Variants in RFX3 observed in about 807,000 individuals in gnomAD.
RFX3 encodes the protein transcription factor RFX3.
Under a neutral mutation model 98.6 loss-of-function variants are expected in RFX3, and 14 were observed. That is an observed-to-expected ratio of 0.14 (90% CI 0.09 to 0.22). RFX3 has a LOEUF of 0.22. Ranked by LOEUF, RFX3 falls within the 10% of genes least tolerant of loss-of-function variation. The probability of loss-of-function intolerance (pLI) is 1.00; values close to 1 mark genes in which losing one functional copy is unlikely to be tolerated. For synonymous variants in RFX3, 383 were observed against 328.4 expected, an observed-to-expected ratio of 1.17 and a Z score of -1.80; for missense variants, 639 against 926.9, an observed-to-expected ratio of 0.69 and a Z score of 4.03.
chr9:3,306,295 G>C (rs999532685), intron 4 of RFX3, among the ~76,000 whole-genome samples: 1 of 151,906 alleles, frequency 6.6e-6, no homozygotes, highest in Non-Finnish European at 1.5e-5. Flanking sequence ...GAGTCAGCTA[G>C]AATTTAAAAC....
intron 2 of RFX3, among the ~76,000 whole-genome samples, chr9:3,388,383 T>C (rs1263476731): frequency 2.6e-5 from 4 of 152,148 alleles, no homozygotes; most frequent in Non-Finnish European, 5.9e-5. Context: ...GTTAGATTTG[T>C]TCCCCAAAGA....
At chr9:3,516,106 T>C (rs1818135777) in intron 1 of RFX3, among the ~76,000 whole-genome samples, 1 of 152,176 alleles carries the variant, frequency 6.6e-6, no homozygotes, top group South Asian at 2.1e-4. Flanking sequence ...TGGAGCGCAC[T>C]GGCGTGATCT....
At chr9:3,262,891 G>C (rs1228991495) in intron 13 of RFX3, 44 bp downstream of exon 13, 1 of 1,587,228 alleles carries the variant, frequency 6.3e-7, no homozygotes, top group Non-Finnish European at 8.6e-7. Context: ...GAACAAATTG[G>C]GTATCTTTCC....
At chr9:3,394,853 G>A (rs1208553896) in intron 2 of RFX3, 4 of 985,058 alleles carry the variant, frequency 4.1e-6, no homozygotes, top group Middle Eastern at 5.2e-4. Context: ...TACTTTGTCA[G>A]TATCTTTCCA....
At position 3,280,476 on chromosome 9, in the gene RFX3, C is replaced by A. The variant is rs375458247; in HGVS notation, c.852-3015G>T. ...AATACTGGACTGAGAAAGCCTAGAT[C>A]CTCATTTTCAAGGTACCCTAACTAA... On this transcript the variant is annotated intron_variant, in intron 7 of 16. Transcript: ENST00000617270. Among the ~76,000 whole-genome samples, 88 of 151,796 alleles carry A rather than the reference C, an allele frequency of 5.8e-4. No homozygotes were observed. In the Middle Eastern group the frequency reaches 0.01, roughly 18 times the overall value.
At chr9:3,435,425 A>G (rs1845037075) in intron 1 of RFX3, among the ~76,000 whole-genome samples, 1 of 151,968 alleles carries the variant, frequency 6.6e-6, no homozygotes, top group Admixed American at 6.6e-5. Context: ...AAAAATTAAG[A>G]CACAAACATA....
intron 1 of RFX3, among the ~76,000 whole-genome samples, chr9:3,401,417 T>C (rs1270677497): frequency 6.6e-6 from 1 of 152,206 alleles, no homozygotes; most frequent in Non-Finnish European, 1.5e-5. Context: ...CCCAGCATAA[T>C]AGCTTATGAG....
intron 1 of RFX3, among the ~76,000 whole-genome samples, chr9:3,504,117 C>T (rs1040592063): frequency 7.5e-6 from 1 of 134,014 alleles, no homozygotes; most frequent in Non-Finnish European, 1.5e-5. Flanking sequence ...CTCTCTCTCT[C>T]TCCCTCTCTC....
intron 1 of RFX3, chr9:3,524,636 C>T (rs1819034722): frequency 1.0e-6 from 1 of 983,314 alleles, no homozygotes; most frequent in Admixed American, 6.2e-5. Flanking sequence ...TTCCTTGTGT[C>T]CCTTCCCTGT....
intron 1 of RFX3, among the ~76,000 whole-genome samples, chr9:3,473,307 G>C (rs912235811): frequency 6.6e-6 from 1 of 152,018 alleles, no homozygotes; most frequent in African/African-American, 2.4e-5. Context: ...ATAATAACAG[G>C]CACATATTTT....
At chr9:3,415,171 T>TA (rs1842878292) in intron 1 of RFX3, among the ~76,000 whole-genome samples, 2 of 136,806 alleles carry the variant, frequency 1.5e-5, no homozygotes, top group Non-Finnish European at 3.1e-5. Flanking sequence ...ATATATATAC[T>TA]TATATATATA....
intron 3 of RFX3, among the ~76,000 whole-genome samples, chr9:3,331,269 A>G (rs146028123): frequency 1.5e-3 from 233 of 152,234 alleles, no homozygotes; most frequent in African/African-American, 5.3e-3. Flanking sequence ...CTTGTGACCT[A>G]TCTATAGTAT....
intron 6 of RFX3, among the ~76,000 whole-genome samples, chr9:3,289,358 C>T (rs1435292323): frequency 2.0e-5 from 3 of 152,066 alleles, no homozygotes; most frequent in Admixed American, 6.6e-5. Context: ...TACCTACATG[C>T]TTTCAGCACA....
intron 1 of RFX3, among the ~76,000 whole-genome samples, chr9:3,523,320 TAAGA>T (rs1418752348): frequency 2.6e-5 from 4 of 152,152 alleles, no homozygotes; most frequent in African/African-American, 9.7e-5. Context: ...GGAAAAATAT[TAAGA>T]AAGAATAAAG....
intron 2 of RFX3, among the ~76,000 whole-genome samples, chr9:3,384,087 T>C (rs1418252664): frequency 6.6e-6 from 1 of 152,144 alleles, no homozygotes; most frequent in Non-Finnish European, 1.5e-5. Context: ...TCAAACTGTG[T>C]TCCATAAATC....
At chr9:3,371,926 C>T (rs987366798) in intron 2 of RFX3, among the ~76,000 whole-genome samples, 2 of 152,156 alleles carry the variant, frequency 1.3e-5, no homozygotes, top group African/African-American at 4.8e-5. Flanking sequence ...CAACACTTTA[C>T]AGCCTAATAA....
chr9:3,312,529 C>A (rs1220755142), intron 4 of RFX3, among the ~76,000 whole-genome samples: 1 of 151,334 alleles, frequency 6.6e-6, no homozygotes, highest in Admixed American at 6.6e-5. Flanking sequence ...CAAGAAGTAG[C>A]TTAACTGAGA....
At chr9:3,413,477 T>C (rs572847425) in intron 1 of RFX3, among the ~76,000 whole-genome samples, 7 of 152,260 alleles carry the variant, frequency 4.6e-5, no homozygotes, top group Non-Finnish European at 1.0e-4. Flanking sequence ...TTATTTTATT[T>C]TTAAATGGCC....
chr9:3,392,267 AAAAC>A (rs1347855783), intron 2 of RFX3, among the ~76,000 whole-genome samples: 1 of 152,186 alleles, frequency 6.6e-6, no homozygotes, highest in East Asian at 1.9e-4. Flanking sequence ...GACATAGTAA[AAAAC>A]AAAACAAAAC....
Sources: gnomAD v4.1 joint callset for allele counts (sites outside exome capture counted in the v4.1 genomes callset) on GRCh38, gnomAD v4.1.1 for gene constraint, MANE v1.5 for transcripts, NCBI Gene and HGNC (gene_info 2026-07-23, HGNC 2026-07-21) for gene names.